The following TNN variants were observed in gnomAD, a reference collection of about 807,000 sequenced individuals.
TNN encodes tenascin-N.
Under a neutral mutation model 134.4 loss-of-function variants are expected in TNN, and 122 were observed. That is an observed-to-expected ratio of 0.91 (90% confidence interval 0.78 to 1.06). TNN has a LOEUF of 1.06. Among genes scored for constraint, TNN ranks in the 50% least tolerant of loss-of-function variants. The probability of loss-of-function intolerance (pLI) is 0.00; values close to 1 mark genes in which losing one functional copy is unlikely to be tolerated. For missense variants in TNN, 1,739 were observed against 1,699.4 expected, an observed-to-expected ratio of 1.02 and a Z score of -0.41; for synonymous variants, 710 against 670.3, an observed-to-expected ratio of 1.06 and a Z score of -0.91.
In TNN at chr1:175,106,228, G is replaced by A. The variant is rs1674848624; in HGVS notation, c.2119+7633G>A. On this transcript the variant is annotated intron_variant, in intron 9 of 18. Coordinates refer to ENST00000239462, the MANE Select transcript of TNN (RefSeq NM_022093.2). Reference sequence around the variant, plus strand: ...GGACTTTACCCCATCCTATAAAGATGTTATGCCACAAAAATGAAATGGAGG... The same window carrying A: ...GGACTTTACCCCATCCTATAAAGATATTATGCCACAAAAATGAAATGGAGG... Among the ~76,000 whole-genome samples the A allele has an allele frequency of 1.4e-5, 2 of 145,774 alleles. 1 individual carries two copies. Among genetic ancestry groups the A allele is most frequent in the Non-Finnish European group, 3.0e-5 (2 of 65,716 alleles).
At chr1:175,093,540 G>A (rs1674499784) in intron 6 of TNN, among the ~76,000 whole-genome samples, 1 of 151,892 alleles carries the variant, frequency 6.6e-6, no homozygotes, top group Non-Finnish European at 1.5e-5. Flanking sequence ...AGCATGTGTA[G>A]ATAAAAGTGC....
chr1:175,097,705 A>C lies in TNN; in HGVS notation c.1855+22A>C, dbSNP rs780870939. The stretch of plus-strand genomic sequence containing the variant: ...ACAGGTAACAAAAGAGAGATGGTCA[A>C]TTGGAATTGAGTTTTAGCTTGTGGA... On this transcript the variant is annotated intron_variant, in intron 8 of 18. Transcript: ENST00000239462. 7 of 1,613,758 alleles carry C rather than the reference A, an allele frequency of 4.3e-6. 1 individual carries two copies. In the South Asian group the frequency reaches 7.7e-5, roughly 18 times the overall value.
intron 15 of TNN, among the ~76,000 whole-genome samples, chr1:175,130,564 C>T (rs72719358): frequency 0.068 from 10,306 of 152,156 alleles, 414 homozygotes; most frequent in Non-Finnish European, 0.087. Context: ...TTTGGCAGGA[C>T]GTTTGTATTG....
intron 11 of TNN, among the ~76,000 whole-genome samples, chr1:175,122,167 A>T (rs985192830): frequency 1.7e-4 from 25 of 151,474 alleles, no homozygotes; most frequent in Non-Finnish European, 2.9e-5. Context: ...GAGGTAGGTG[A>T]ATTGCTTGAG....
At chr1:175,083,380 A>C (rs948974663) in intron 4 of TNN, among the ~76,000 whole-genome samples, 1 of 152,194 alleles carries the variant, frequency 6.6e-6, no homozygotes, top group African/African-American at 2.4e-5. Context: ...TCTGCAGCTG[A>C]AGAGTGGGCC....
chr1:175,098,478 AAGG>A lies in TNN; in HGVS notation c.2005_2007del (p.Glu669del), dbSNP rs1254822979. ...AGAGACCAGGGAGGTTCCGGTGGGG[AAGG>A]AGCAGAGCAGCACAGTCCTGACAGG... On this transcript the variant is annotated inframe_deletion, in exon 9 of 19. Coordinates refer to ENST00000239462, the MANE Select transcript of TNN (RefSeq NM_022093.2). 6.2e-7 allele frequency: 1 copy of A among 1,613,980 alleles called. No homozygotes were observed. The highest frequency in any genetic ancestry group is 2.2e-5 in the East Asian group (1 of 44,880).
chr1:175,072,069 G>A (rs528346241), intron 1 of TNN, among the ~76,000 whole-genome samples: 1 of 152,304 alleles, frequency 6.6e-6, no homozygotes, highest in Admixed American at 6.5e-5. Context: ...AGCCACAGGG[G>A]TAGATGCAGA....
chr1:175,076,101 T>C (rs1674033573), intron 1 of TNN, among the ~76,000 whole-genome samples: 1 of 152,036 alleles, frequency 6.6e-6, no homozygotes, highest in Admixed American at 6.6e-5. Context: ...GAAAGCTGGG[T>C]CTCTTGTGGT....
chr1:175,084,822 A>T (rs1254298927), intron 5 of TNN, among the ~76,000 whole-genome samples: 1 of 152,156 alleles, frequency 6.6e-6, no homozygotes, highest in East Asian at 1.9e-4. Flanking sequence ...TTCTACAGAG[A>T]AATAACTTTT....
chr1:175,097,173 G>T (rs958005321), intron 7 of TNN, among the ~76,000 whole-genome samples: 1 of 152,140 alleles, frequency 6.6e-6, no homozygotes, highest in African/African-American at 2.4e-5. Flanking sequence ...CGACTTCCGG[G>T]AAAAGTTTAT....
chr1:175,084,983 T>G (rs1248383669), intron 5 of TNN, among the ~76,000 whole-genome samples: 1 of 152,114 alleles, frequency 6.6e-6, no homozygotes, highest in African/African-American at 2.4e-5. Flanking sequence ...CACAGTGAGA[T>G]CCTGTCTCTA....
intron 9 of TNN, among the ~76,000 whole-genome samples, chr1:175,110,472 G>A (rs1378078530): frequency 2.0e-5 from 3 of 152,124 alleles, no homozygotes; most frequent in Non-Finnish European, 4.4e-5. Context: ...TTTCACCAAT[G>A]TTTTCTTCTG....
chr1:175,146,910 C>CG, intron 18 of TNN, 21 bp from the exon 19 acceptor site: 3 of 1,340,038 alleles, frequency 2.2e-6, no homozygotes, highest in Admixed American at 2.9e-5. Context: ...CTTGATGTGG[C>CG]TTTTTTTTTT....
chr1:175,145,574 A>AAAAAAAAAAAAAAAAAC, intron 18 of TNN, among the ~76,000 whole-genome samples: 2 of 149,484 alleles, frequency 1.3e-5, no homozygotes, highest in Non-Finnish European at 3.0e-5. Context: ...AAAAAAAAAA[A>AAAAAAAAAAAAAAAAAC]AGCTGTCTCA....
intron 5 of TNN, 33 bp downstream of exon 5, chr1:175,083,968 C>CTGTGG: frequency 6.2e-7 from 1 of 1,604,130 alleles, no homozygotes; most frequent in Non-Finnish European, 8.5e-7. Flanking sequence ...GAGATGTATG[C>CTGTGG]TGTGGATGCA....
chr1:175,100,588 T>C (rs919580636), intron 9 of TNN, among the ~76,000 whole-genome samples: 1 of 152,258 alleles, frequency 6.6e-6, no homozygotes, highest in Non-Finnish European at 1.5e-5. Flanking sequence ...GGAATGTAGA[T>C]ATCCATTTTC....
chr1:175,096,630 A>T (rs1674578733), intron 7 of TNN, among the ~76,000 whole-genome samples: 1 of 152,220 alleles, frequency 6.6e-6, no homozygotes, highest in Admixed American at 6.5e-5. Flanking sequence ...CTCCCTAAGG[A>T]TGTACATTTT....
In TNN at chr1:175,145,789, C is replaced by G. The variant is rs571381201; in HGVS notation, c.3760-1142C>G. 3.3e-5 allele frequency among the ~76,000 whole-genome samples: 5 copies of G among 152,174 alleles called. No homozygotes were observed. The South Asian group carries it at 1.0e-3, about 32-fold the overall frequency. Reference sequence around the variant, plus strand: ...CCACCCGCTATTTCTCAAGCCTCCTCTGCCCCAGTGCATCATCCTGACTCT... The same window carrying G: ...CCACCCGCTATTTCTCAAGCCTCCTGTGCCCCAGTGCATCATCCTGACTCT... On this transcript the variant is annotated intron_variant, in intron 18 of 18. Transcript: ENST00000239462.
chr1:175,123,259 CA>C (rs1380986994), intron 11 of TNN, 140 bp from the exon 12 acceptor site: 2 of 959,580 alleles, frequency 2.1e-6, no homozygotes, highest in African/African-American at 3.3e-5. Context: ...AAATGGAGAC[CA>C]GGGGCCTTTG....
Sources: allele counts gnomAD v4.1 joint callset (sites outside exome capture counted in the v4.1 genomes callset), GRCh38; gene constraint gnomAD v4.1.1; transcripts MANE v1.5; gene names NCBI Gene and HGNC (gene_info 2026-07-23, HGNC 2026-07-21).